GPR179: variants seen among roughly 807,000 people sequenced by gnomAD.
The protein encoded by GPR179 is G protein-coupled receptor 179.
A neutral mutation model predicts 70.8 loss-of-function variants in GPR179; 52 were observed. That is an observed-to-expected ratio of 0.73 (90% CI 0.59 to 0.93). The LOEUF (loss-of-function observed/expected upper bound fraction) is 0.93, where lower values mean the gene tolerates loss of function less well. Ranked by LOEUF, GPR179 falls within the 40% of genes least tolerant of loss-of-function variation. GPR179 has a pLI of 0.00. For synonymous variants in GPR179, 1,123 were observed against 1,169.0 expected (o/e 0.96, Z 0.80); for missense variants, 2,734 against 2,966.8 (o/e 0.92, Z 1.82).
Position 38,328,809 on chromosome 17 carries a change from G to C in GPR179, c.4760C>G (p.Pro1587Arg). 1 of 1,611,760 alleles carries C rather than the reference G, an allele frequency of 6.2e-7. No individual in the cohort carries two copies. The highest frequency in any genetic ancestry group is 8.5e-7 in the Non-Finnish European group (1 of 1,179,306). ...DLRPEAQEAT[P>R]AKTEICPWEV... ...CCAGGGACAGATTTCTGTTTTGGCA[G>C]GTGTTGCTTCCTGTGCCTCCGGCCT... Residue 1587 changes from proline to arginine, a missense_variant, in exon 11 of 11, where the codon CCT becomes CGT. Physicochemically the swap from Pro to Arg is moderately radical, Grantham distance 103. Coordinates refer to ENST00000616987, the MANE Select transcript of GPR179 (RefSeq NM_001004334.4).
chr17:38,340,942 C>T (rs879667768), intron 1 of GPR179, among the ~76,000 whole-genome samples: 1 of 152,092 alleles, frequency 6.6e-6, no homozygotes, highest in African/African-American at 2.4e-5. Context: ...AACAAACAAA[C>T]AAACAAAAAA....
At chr17:38,331,655 C>G (rs1032827603) in intron 10 of GPR179, 124 bp from the exon 11 acceptor site, 1 of 1,452,026 alleles carries the variant, frequency 6.9e-7, no homozygotes, top group Admixed American at 2.7e-5. Context: ...AGCTGTATCT[C>G]TTCCCTGCTT....
rs79954845 is a variant in GPR179 at position 38,328,006 on chromosome 17, G to C, written c.5563C>G (p.Leu1855Val). The change falls in exon 11 of 11, where the codon CTG becomes GTG. Residue 1855 changes from leucine to valine, a missense_variant. Leu to Val is a conservative substitution (Grantham distance 32). Coordinates refer to ENST00000616987, the MANE Select transcript of GPR179 (RefSeq NM_001004334.4). ...KALEKGRLTS[L>V]GEDVSKGMAK... is the part of the protein sequence containing the mutation. ...ATCCCTTTTGATACGTCTTCTCCCA[G>C]GGAAGTGAGTCTCCCCTTTTCTAGA... 4.5e-3 allele frequency: 7,342 copies of C among 1,614,094 alleles called. 26 individuals carry two copies. The highest frequency in any genetic ancestry group is 5.9e-3 in the Non-Finnish European group (6,910 of 1,180,016).
In GPR179 at chr17:38,337,630, T is replaced by C. The variant is rs1341490272; in HGVS notation, c.991+3A>G. On this transcript the variant is annotated splice_donor_region_variant and intron_variant, in intron 3 of 10. Coordinates refer to ENST00000616987, the MANE Select transcript of GPR179 (RefSeq NM_001004334.4). ...ATGCCTGGCCCCCACCACACTTACA[T>C]ACCCCCAGAGGGGCTTGCCCCGTAG... The C allele has an allele frequency of 1.9e-6, 3 of 1,605,976 alleles. No individual in the cohort carries two copies. Among genetic ancestry groups the C allele is most frequent in the South Asian group, 2.2e-5 (2 of 90,056 alleles).
Position 38,337,717 on chromosome 17 carries a change from C to A in GPR179, c.907G>T (p.Val303Phe). The stretch of plus-strand genomic sequence containing the variant: ...ACAAAGCCCTGACTCTCCAGGGGGA[C>A]ACACTATGGGGACAACAAACACAGT... Reference protein sequence around the residue: ...HLCDLNSTQCVPLESQGFVLG... With the variant: ...HLCDLNSTQCFPLESQGFVLG... Residue 303 changes from valine (V) to phenylalanine (F), a missense_variant, in exon 3 of 11, where the codon GTC (valine) becomes TTC (phenylalanine). By Grantham distance (50) the Val-to-Phe change is conservative (BLOSUM62 -1). Coordinates refer to ENST00000616987, the MANE Select transcript of GPR179 (RefSeq NM_001004334.4). 6.2e-7 allele frequency: 1 copy of A among 1,612,468 alleles called. No homozygotes were observed. Among genetic ancestry groups the A allele is most frequent in the Non-Finnish European group, 8.5e-7 (1 of 1,179,070 alleles).
chr17:38,333,218 G>A, intron 10 of GPR179, 33 bp downstream of exon 10: 2 of 1,603,610 alleles, frequency 1.2e-6, no homozygotes, highest in Non-Finnish European at 8.5e-7. Flanking sequence ...CTAAAAGCTA[G>A]CATTGAAAGG....
Position 38,328,373 on chromosome 17 carries a change from G to A in GPR179, c.5196C>T (p.Gly1732=). 6.2e-7 allele frequency: 1 copy of A among 1,613,308 alleles called. No homozygotes were observed. Among genetic ancestry groups the A allele is most frequent in the Non-Finnish European group, 8.5e-7 (1 of 1,179,858 alleles). ...TGGGTCCAAGATCTGCAGAAACCTT[G>A]CCTGTATCATTTGGAGATTTCCTAA... ...EAIRKSPNDT[G]KVSADLGPRE... Residue 1732 remains glycine (G), a synonymous_variant, in exon 11 of 11, where the codon GGC becomes GGT. Transcript: ENST00000616987.
Position 38,328,425 on chromosome 17 carries a change from TC to T in GPR179, c.5143del (p.Glu1715ArgfsTer65). ...CPWEVGAGAG[E>X]ERALGAEAIR... is the part of the protein sequence containing the mutation. The stretch of plus-strand genomic sequence containing the variant: ...GGCCTCAGCTCCCAAAGCCCTTTCC[TC>T]CCCTGCTCCAGCACCCACCTCCCAG... On this transcript the variant is annotated frameshift_variant, in exon 11 of 11. Coordinates refer to ENST00000616987, the MANE Select transcript of GPR179 (RefSeq NM_001004334.4). LOFTEE classifies it low-confidence loss of function (END_TRUNC). 6.2e-7 allele frequency: 1 copy of T among 1,609,172 alleles called. No individual in the cohort carries two copies. The highest frequency in any genetic ancestry group is 8.5e-7 in the Non-Finnish European group (1 of 1,178,576).
chr17:38,331,633 C>T (rs2037361445), intron 10 of GPR179, 102 bp from the exon 11 acceptor site: 1 of 1,494,786 alleles, frequency 6.7e-7, no homozygotes, highest in Admixed American at 2.4e-5. Context: ...CCTTAGGGAT[C>T]TCTTTCCATC....
At position 38,328,850 on chromosome 17, in the gene GPR179, A is replaced by T; in HGVS notation, c.4719T>A (p.Cys1573Ter). 1 of 1,613,530 alleles carries T rather than the reference A, an allele frequency of 6.2e-7. No homozygotes were observed. The highest frequency in any genetic ancestry group is 8.5e-7 in the Non-Finnish European group (1 of 1,179,914). Residue 1573 changes from cysteine to a stop codon, truncating the protein, a stop_gained, in exon 11 of 11, where the codon TGT (cysteine) becomes TGA (stop). Coordinates refer to ENST00000616987, the MANE Select transcript of GPR179 (RefSeq NM_001004334.4). LOFTEE classifies it low-confidence loss of function (END_TRUNC). ...CNGGSRATQVCPQEDLRPEAQ... is the reference protein window; with the variant it reads ...CNGGSRATQV Reference sequence around the variant, plus strand: ...CCTCCGGCCTGAGATCTTCCTGTGGACACACCTGCGTTGCTCTGCTTCCTC... The same window carrying T: ...CCTCCGGCCTGAGATCTTCCTGTGGTCACACCTGCGTTGCTCTGCTTCCTC...
rs1567724372 is a variant in GPR179, at chr17:38,331,337, G to GCCGTGGCCTGGGGAT, written c.2217_2231dup (p.Pro741_Ser745dup). ...GGCGGCGGGAGGAGCCGGGCAGGCT[G>GCCGTGGCCTGGGGAT]CCGTGGCCTGGGGATCCTGAGTCCC... On this transcript the variant is annotated inframe_insertion, in exon 11 of 11. Coordinates refer to ENST00000616987, the MANE Select transcript of GPR179 (RefSeq NM_001004334.4). The GCCGTGGCCTGGGGAT allele has an allele frequency of 6.2e-7, 1 of 1,610,730 alleles. No individual in the cohort carries two copies. The highest frequency in any genetic ancestry group is 1.7e-5 in the Admixed American group (1 of 59,700).
Position 38,328,254 on chromosome 17 carries a change from C to T in GPR179, c.5315G>A (p.Cys1772Tyr). ...ATCTAGAGTACCTGGATGCTGAGAACAGGCCCCTGGACCCACACTCCCCCA... is the reference window on the plus strand; with the variant it reads ...ATCTAGAGTACCTGGATGCTGAGAATAGGCCCCTGGACCCACACTCCCCCA... ...CPWGSVGPGA[C>Y]SQHPGTLDAD... Residue 1772 changes from cysteine to tyrosine, a missense_variant, in exon 11 of 11, where the codon TGT becomes TAT. By Grantham distance (194) the Cys-to-Tyr change is radical. Transcript: ENST00000616987. 2 of 1,613,856 alleles carry T rather than the reference C, an allele frequency of 1.2e-6. No individual in the cohort carries two copies. Among genetic ancestry groups the T allele is most frequent in the Non-Finnish European group, 1.7e-6 (2 of 1,180,032 alleles).
rs201385151 is a variant in GPR179 at position 38,330,930 on chromosome 17, G to T, written c.2639C>A (p.Ala880Asp). ...EERKKAKAAM[A>D]SLVRRPSARR... The stretch of plus-strand genomic sequence containing the variant: ...GGCTGATGGCCTCCGCACCAGGCTG[G>T]CCATGGCTGCCTTGGCCTTCTTCCG... The change falls in exon 11 of 11, where the codon GCC becomes GAC. Residue 880 changes from alanine (A) to aspartate (D), a missense_variant. Coordinates refer to ENST00000616987, the MANE Select transcript of GPR179 (RefSeq NM_001004334.4). 7.6e-5 allele frequency: 122 copies of T among 1,609,056 alleles called. No homozygotes were observed. In the African/African-American group the frequency reaches 1.4e-3, roughly 19 times the overall value.
In GPR179 at chr17:38,331,592, CT is replaced by C. The variant is rs144129437; in HGVS notation, c.2038-62del. On this transcript the variant is annotated intron_variant, in intron 10 of 10. Coordinates refer to ENST00000616987, the MANE Select transcript of GPR179 (RefSeq NM_001004334.4). ...TGAGCTCTCTCCATCCCCTGGCTGT[CT>C]GTTCCTCCACCCTTGCCTAGACCTT... The C allele has an allele frequency of 1.2e-4, 179 of 1,539,130 alleles. 1 individual carries two copies. The East Asian group carries it at 2.0e-3, about 17-fold the overall frequency.
rs770464969 is a variant in GPR179, at chr17:38,328,321, T to G, written c.5248A>C (p.Lys1750Gln). The change falls in exon 11 of 11, where the codon AAG (lysine) becomes CAG (glutamine). Residue 1750 changes from lysine to glutamine, a missense_variant. Physicochemically the swap from Lys to Gln is moderately conservative, Grantham distance 53. Transcript: ENST00000616987. ...CACTCTGGGGTTGGCTTCTGTGGCT[T>G]CTCTGGAGCAGTAACAGCTCTCTCC... ...PRERAVTAPE[K>Q]PQKPTPEWEV... The G allele has an allele frequency of 6.2e-7, 1 of 1,614,054 alleles. No individual in the cohort carries two copies. The highest frequency in any genetic ancestry group is 1.7e-5 in the Admixed American group (1 of 60,014).
At chr17:38,336,219 G>T in intron 4 of GPR179, 75 bp from the exon 5 acceptor site, 1 of 991,030 alleles carries the variant, frequency 1.0e-6, no homozygotes, top group Non-Finnish European at 1.6e-6. Context: ...TATGTGAACG[G>T]TCACTCAGTG....
chr17:38,337,049 C>G lies in GPR179; in HGVS notation c.1156G>C (p.Ala386Pro). 2.5e-6 allele frequency: 4 copies of G among 1,609,396 alleles called. No individual in the cohort carries two copies. Among genetic ancestry groups the G allele is most frequent in the Non-Finnish European group, 3.4e-6 (4 of 1,178,668 alleles). ...EAAVLRAAVL[A>P]CQACCMLAIF... ...GCCAGCATGCAGCAGGCCTGGCAGG[C>G]CAGCACAGCGGCCCGCAGCACCGCG... Residue 386 changes from alanine (A) to proline (P), a missense_variant, in exon 4 of 11, where the codon GCC (alanine) becomes CCC (proline). Coordinates refer to ENST00000616987, the MANE Select transcript of GPR179 (RefSeq NM_001004334.4).
chr17:38,335,304 A>G (rs2037395311), intron 6 of GPR179, 33 bp from the exon 7 acceptor site: 4 of 1,500,794 alleles, frequency 2.7e-6, no homozygotes, highest in Non-Finnish European at 3.6e-6. Context: ...GGTGGATGGC[A>G]GGGACCTGGG....
In GPR179 at chr17:38,343,920, C is replaced by T; in HGVS notation, c.-131G>A. Reference sequence around the variant, plus strand: ...TCCTTCTTCCTCTCTCCGTCTCCCTCTCACGCTGGTGCCAGCTCGCCTGCT... The same window carrying T: ...TCCTTCTTCCTCTCTCCGTCTCCCTTTCACGCTGGTGCCAGCTCGCCTGCT... On this transcript the variant is annotated 5_prime_UTR_variant, in exon 1 of 11. Transcript: ENST00000616987. This position sits in a 1 kb window ranked among gnomAD's most constrained non-coding sequence, Gnocchi z 4.2. 1.4e-6 allele frequency: 1 copy of T among 736,572 alleles called. No homozygotes were observed. The highest frequency in any genetic ancestry group is 2.1e-6 in the Non-Finnish European group (1 of 473,328). The allele number at this position is 736,572 out of a possible 1,614,324, so 45.6% of individuals were successfully genotyped here. A position where few individuals can be genotyped will look rare whatever the true frequency, so the allele number is the denominator to read the frequency against.
Sources: gnomAD v4.1 joint callset for allele counts (sites outside exome capture counted in the v4.1 genomes callset) on GRCh38, gnomAD v4.1.1 for gene constraint, Gnocchi (gnomAD v3.1) non-coding constraint, MANE v1.5 for transcripts, NCBI Gene and HGNC (gene_info 2026-07-23, HGNC 2026-07-21) for gene names.